PRKN: variants seen among roughly 807,000 people sequenced by gnomAD.
PRKN encodes E3 ubiquitin-protein ligase parkin.
A neutral mutation model predicts 59.5 loss-of-function variants in PRKN; 56 were observed. The ratio of observed to expected loss-of-function variants is 0.94; its 90% CI spans 0.76 to 1.18. The LOEUF (loss-of-function observed/expected upper bound fraction) is 1.18. Ranked by LOEUF, PRKN falls within the 50% of genes most tolerant of loss-of-function variation. The pLI, the probability that PRKN is intolerant of heterozygous loss-of-function variation, is 0.00. For synonymous variants in PRKN, 250 were observed against 222.1 expected, an observed-to-expected ratio of 1.13 and a Z score of -1.12; for missense variants, 657 against 596.4, an observed-to-expected ratio of 1.10 and a Z score of -1.06.
At chr6:162,233,892 G>A (rs1289394816) in intron 3 of PRKN, among the ~76,000 whole-genome samples, 10 of 152,198 alleles carry the variant, frequency 6.6e-5, no homozygotes, top group African/African-American at 2.4e-4. Flanking sequence ...CTCACCAGAT[G>A]CCGGTGGCAT....
At chr6:161,523,114 T>G (rs1051831214) in intron 9 of PRKN, among the ~76,000 whole-genome samples, 13 of 152,016 alleles carry the variant, frequency 8.6e-5, no homozygotes, top group Admixed American at 8.5e-4. Flanking sequence ...CATACTTTAA[T>G]ATTAGTTTCT....
At chr6:162,671,512 A>AT (rs1308317069) in intron 1 of PRKN, among the ~76,000 whole-genome samples, 1 of 151,920 alleles carries the variant, frequency 6.6e-6, no homozygotes, top group African/African-American at 2.4e-5. Flanking sequence ...AAAAAAAAAA[A>AT]AAAGAGTCAA....
chr6:161,774,004 G>A (rs1789805156), intron 7 of PRKN, among the ~76,000 whole-genome samples: 1 of 152,028 alleles, frequency 6.6e-6, no homozygotes, highest in African/African-American at 2.4e-5. Context: ...GCATGCATCA[G>A]GCAAACATAA....
chr6:161,630,997 C>G (rs1367772029), intron 7 of PRKN, among the ~76,000 whole-genome samples: 1 of 152,228 alleles, frequency 6.6e-6, no homozygotes, highest in Non-Finnish European at 1.5e-5. Flanking sequence ...TTGCGGGCAG[C>G]ACTACCCCAG....
chr6:162,682,502 AC>A (rs1779809547), intron 1 of PRKN, among the ~76,000 whole-genome samples: 1 of 152,164 alleles, frequency 6.6e-6, no homozygotes, highest in Non-Finnish European at 1.5e-5. Flanking sequence ...TAGTGCAAAA[AC>A]AGAAAACCAA....
intron 7 of PRKN, among the ~76,000 whole-genome samples, chr6:161,759,038 G>A (rs10806751): frequency 0.32 from 48,086 of 151,940 alleles, 7,798 homozygotes; most frequent in South Asian, 0.44. Flanking sequence ...TTAGCCAGGC[G>A]TGGTGGTGGG....
intron 1 of PRKN, among the ~76,000 whole-genome samples, chr6:162,544,919 C>T (rs1230839953): frequency 6.7e-6 from 1 of 150,208 alleles, no homozygotes; most frequent in Non-Finnish European, 1.5e-5. Flanking sequence ...TCAGGTGATC[C>T]ACCCACCTCA....
At chr6:162,074,510 G>A (rs1582993826) in intron 4 of PRKN, among the ~76,000 whole-genome samples, 1 of 151,460 alleles carries the variant, frequency 6.6e-6, no homozygotes, top group African/African-American at 2.4e-5. Flanking sequence ...GGATAGCATT[G>A]GGAGATATAC....
chr6:162,626,493 C>T (rs1782900498), intron 1 of PRKN, among the ~76,000 whole-genome samples: 1 of 152,028 alleles, frequency 6.6e-6, no homozygotes, highest in South Asian at 2.1e-4. Context: ...AAACAGAATA[C>T]TTTATAATAT....
chr6:161,420,186 C>T (rs943484561), intron 9 of PRKN, among the ~76,000 whole-genome samples: 1 of 147,388 alleles, frequency 6.8e-6, no homozygotes, highest in Non-Finnish European at 1.5e-5. Flanking sequence ...TGCAGTGAGC[C>T]GAGATCATGC....
intron 6 of PRKN, 74 bp downstream of exon 6, chr6:161,973,228 G>A (rs928405958): frequency 1.1e-6 from 1 of 937,732 alleles, no homozygotes; most frequent in Non-Finnish European, 1.8e-6. Context: ...AAAGTAAGGA[G>A]GGGGGAGTGA....
rs953465362 is a variant in PRKN, at chr6:161,429,544, C to T, written c.1084-42667G>A. On this transcript the variant is annotated intron_variant, in intron 9 of 11. Coordinates refer to ENST00000366898, the MANE Select transcript of PRKN (RefSeq NM_004562.3). The surrounding 1 kb of genome is among the most constrained non-coding windows in gnomAD (Gnocchi z 4.2). ...TAGAAGAAGGAAATGGAAGCAAGTT[C>T]CAGAGCTCAGAAAACATTCTGAGAT... Among the ~76,000 whole-genome samples the T allele has an allele frequency of 4.6e-5, 7 of 152,120 alleles. No individual in the cohort carries two copies. The highest frequency in any genetic ancestry group is 1.4e-4 in the African/African-American group (6 of 41,420).
chr6:161,476,237 T>G (rs567180910), intron 9 of PRKN, among the ~76,000 whole-genome samples: 1 of 151,968 alleles, frequency 6.6e-6, no homozygotes, highest in East Asian at 1.9e-4. Context: ...TTCATCAAAC[T>G]GCCAAATGGA....
intron 2 of PRKN, among the ~76,000 whole-genome samples, chr6:162,442,733 A>G (rs1790118248): frequency 6.6e-6 from 1 of 152,170 alleles, no homozygotes; most frequent in South Asian, 2.1e-4. Context: ...ATGCAAAGGT[A>G]TACTGTTGTT....
At chr6:162,095,425 G>A (rs751727626) in intron 4 of PRKN, among the ~76,000 whole-genome samples, 26 of 152,210 alleles carry the variant, frequency 1.7e-4, no homozygotes, top group Admixed American at 1.2e-3. Context: ...AATTTGGTAT[G>A]CAGCACACCA....
chr6:161,438,622 C>T (rs892363756), intron 9 of PRKN, among the ~76,000 whole-genome samples: 3 of 151,786 alleles, frequency 2.0e-5, no homozygotes, highest in African/African-American at 7.3e-5. Flanking sequence ...TACAATTCGG[C>T]GAAATAGGAA....
intron 1 of PRKN, among the ~76,000 whole-genome samples, chr6:162,721,270 T>C (rs755254901): frequency 3.3e-5 from 5 of 152,234 alleles, no homozygotes; most frequent in Non-Finnish European, 7.3e-5. Flanking sequence ...ACAATGAAGG[T>C]CATGAGAAGT....
chr6:162,069,573 A>C (rs1190490327), intron 4 of PRKN, among the ~76,000 whole-genome samples: 1 of 152,222 alleles, frequency 6.6e-6, no homozygotes, highest in African/African-American at 2.4e-5. Flanking sequence ...TTCCTTTCTA[A>C]CTTGAATTTA....
chr6:162,056,520 A>T lies in PRKN; in HGVS notation c.535-2346T>A, dbSNP rs991589587. ...TCAAAAGGAGCTGCATCTGGGATCC[A>T]CCGATCATTAATCCAAAGGCCACCG... On this transcript the variant is annotated intron_variant, in intron 4 of 11. Coordinates refer to ENST00000366898, the MANE Select transcript of PRKN (RefSeq NM_004562.3). The surrounding 1 kb of genome is among the most constrained non-coding windows in gnomAD (Gnocchi z 4.9). Among the ~76,000 whole-genome samples, 3 of 152,186 alleles carry T rather than the reference A, an allele frequency of 2.0e-5. No homozygotes were observed. The highest frequency in any genetic ancestry group is 7.2e-5 in the African/African-American group (3 of 41,454).
Sources: gnomAD v4.1 joint callset for allele counts (sites outside exome capture counted in the v4.1 genomes callset) on GRCh38, gnomAD v4.1.1 for gene constraint, Gnocchi (gnomAD v3.1) non-coding constraint, MANE v1.5 for transcripts, NCBI Gene and HGNC (gene_info 2026-07-23, HGNC 2026-07-21) for gene names.